The following KIF15 variants were observed in gnomAD, a reference collection of about 807,000 sequenced individuals.
The protein encoded by KIF15 is kinesin-like protein KIF15.
In KIF15, 140 loss-of-function variants were observed where a neutral mutation model predicts 190.6. The ratio of observed to expected loss-of-function variants is 0.73; its 90% CI spans 0.64 to 0.84. The LOEUF is 0.84. Among genes scored for constraint, KIF15 ranks in the 40% least tolerant of loss-of-function variants. The pLI is 0.00. For missense variants in KIF15, 1,372 were observed against 1,584.4 expected (o/e 0.87, Z 2.28); for synonymous variants, 528 against 551.3 (o/e 0.96, Z 0.59).
At chr3:44,820,141 C>T (rs1034215707) in intron 20 of KIF15, among the ~76,000 whole-genome samples, 1 of 152,038 alleles carries the variant, frequency 6.6e-6, no homozygotes, top group Non-Finnish European at 1.5e-5. Flanking sequence ...ATGTGTGTCT[C>T]TGCACGTAAG....
chr3:44,817,915 C>T (rs1313059711), intron 20 of KIF15, among the ~76,000 whole-genome samples: 6 of 152,226 alleles, frequency 3.9e-5, no homozygotes, highest in African/African-American at 1.2e-4. Context: ...TCTTTTATTT[C>T]GTTGAGCAGT....
At chr3:44,818,733 G>A (rs1708136344) in intron 20 of KIF15, among the ~76,000 whole-genome samples, 2 of 152,146 alleles carry the variant, frequency 1.3e-5, no homozygotes, top group Non-Finnish European at 1.5e-5. Context: ...GCCAGGCTTT[G>A]GTATCAGGAT....
intron 17 of KIF15, 99 bp downstream of exon 17, chr3:44,811,142 CT>C (rs1707766183): frequency 2.3e-6 from 2 of 877,556 alleles, no homozygotes; most frequent in Non-Finnish European, 3.4e-6. Context: ...TTCAAAAGTG[CT>C]TAGTATTAAA....
intron 6 of KIF15, chr3:44,864,890 C>A: frequency 1.0e-6 from 1 of 988,478 alleles, no homozygotes; most frequent in Non-Finnish European, 1.5e-6. Flanking sequence ...AATAGAGTGA[C>A]TTGATGAAGG....
At chr3:44,840,536 A>C in intron 28 of KIF15, 80 bp downstream of exon 28, 2 of 886,300 alleles carry the variant, frequency 2.3e-6, no homozygotes, top group Non-Finnish European at 3.5e-6. Flanking sequence ...GGAAGAACAT[A>C]CCTTTGTCTT....
At chr3:44,829,530 A>AAT (rs1697886010) in intron 24 of KIF15, among the ~76,000 whole-genome samples, 17 of 100,308 alleles carry the variant, frequency 1.7e-4, no homozygotes, top group African/African-American at 7.2e-4. Context: ...ATATGTATAT[A>AAT]ATATGTATAT....
chr3:44,763,745 T>C (rs765948590), intron 1 of KIF15, among the ~76,000 whole-genome samples: 1 of 151,888 alleles, frequency 6.6e-6, no homozygotes, highest in Non-Finnish European at 1.5e-5. Flanking sequence ...TGGAGTGCAG[T>C]GACGCAATCT....
chr3:44,843,135 G>A lies in KIF15; in HGVS notation c.3596G>A (p.Arg1199His), dbSNP rs146292440. Residue 1199 changes from arginine to histidine, a missense_variant, in exon 30 of 35, where the codon CGT becomes CAT. By Grantham distance (29) the Arg-to-His change is conservative. Coordinates refer to ENST00000326047, the MANE Select transcript of KIF15 (RefSeq NM_020242.3). ...AEILRMKEQL[R>H]EMENLRLESQ... ...ATTTGATGTTATTAGGAGCAGTTGCGTGAAATGGAAAACCTACGCCTGGAA... is the reference window on the plus strand; with the variant it reads ...ATTTGATGTTATTAGGAGCAGTTGCATGAAATGGAAAACCTACGCCTGGAA... 228 of 1,611,628 alleles carry A rather than the reference G, an allele frequency of 1.4e-4. 3 individuals are homozygous for A. The East Asian group carries it at 4.8e-3, about 34-fold the overall frequency.
chr3:44,790,607 A>G (rs1706639711), intron 7 of KIF15, among the ~76,000 whole-genome samples: 1 of 151,546 alleles, frequency 6.6e-6, no homozygotes, highest in Non-Finnish European at 1.5e-5. Flanking sequence ...TGCTTTACAA[A>G]TCTGTTTTGT....
At chr3:44,813,283 C>T (rs577144267) in intron 19 of KIF15, 103 bp downstream of exon 19, 2 of 663,176 alleles carry the variant, frequency 3.0e-6, no homozygotes, top group South Asian at 4.3e-5. Context: ...TGGATGGTTG[C>T]TTTGTTGTTG....
intron 27 of KIF15, among the ~76,000 whole-genome samples, chr3:44,839,931 TAGAC>T (rs1698508134): frequency 6.6e-6 from 1 of 152,324 alleles, no homozygotes; most frequent in South Asian, 2.1e-4. Flanking sequence ...CTCCCATCAA[TAGAC>T]AGTTAAGTTG....
chr3:44,811,901 C>T (rs1469512811), intron 17 of KIF15, among the ~76,000 whole-genome samples: 1 of 152,154 alleles, frequency 6.6e-6, no homozygotes, highest in Non-Finnish European at 1.5e-5. Context: ...ATGGCTCTGT[C>T]ATGTAATCCA....
chr3:44,764,341 T>A (rs1705295458), intron 1 of KIF15, among the ~76,000 whole-genome samples: 1 of 152,214 alleles, frequency 6.6e-6, no homozygotes, highest in Non-Finnish European at 1.5e-5. Context: ...TTGAACTTAA[T>A]ATAAATGGTA....
intron 4 of KIF15, among the ~76,000 whole-genome samples, chr3:44,778,864 C>T (rs1222582996): frequency 6.6e-6 from 1 of 151,334 alleles, no homozygotes; most frequent in Non-Finnish European, 1.5e-5. Context: ...CGCCTGTAGT[C>T]CCAGCTACTT....
In KIF15 at chr3:44,830,743, G is replaced by A. The variant is rs561592985; in HGVS notation, c.3049-153G>A. Reference sequence around the variant, plus strand: ...TTTTCCATTTCTCTTCACCATTCATGCACTTATTCTTCTATTCCTTCAGTC... The same window carrying A: ...TTTTCCATTTCTCTTCACCATTCATACACTTATTCTTCTATTCCTTCAGTC... On this transcript the variant is annotated intron_variant, in intron 25 of 34. Coordinates refer to ENST00000326047, the MANE Select transcript of KIF15 (RefSeq NM_020242.3). Among the ~76,000 whole-genome samples the A allele has an allele frequency of 2.6e-5, 4 of 152,190 alleles. No individual in the cohort carries two copies. In the South Asian group the frequency reaches 8.3e-4, roughly 32 times the overall value.
chr3:44,791,536 A>G (rs1454483863), intron 7 of KIF15, among the ~76,000 whole-genome samples: 2 of 152,158 alleles, frequency 1.3e-5, no homozygotes, highest in African/African-American at 4.8e-5. Context: ...GAATCTATCA[A>G]TTATTTTTGG....
Position 44,786,546 on chromosome 3 carries a change from T to A in KIF15, c.611T>A (p.Val204Glu), listed in dbSNP as rs1360720313. 6.2e-7 allele frequency: 1 copy of A among 1,612,992 alleles called. No individual in the cohort carries two copies. The highest frequency in any genetic ancestry group is 1.1e-5 in the South Asian group (1 of 90,918). ...GVFVVGAVEQ[V>E]VTSAAEAYQV... ...TTTGTTGTTGGTGCGGTGGAGCAGG[T>A]GGTAACCTCAGCTGCTGAAGCCTAT... The change falls in exon 7 of 35, where the codon GTG becomes GAG. Residue 204 changes from valine (V) to glutamate (E), a missense_variant. Transcript: ENST00000326047.
chr3:44,785,099 T>C (rs1311477660), intron 6 of KIF15, among the ~76,000 whole-genome samples, 157 bp downstream of exon 6: 2 of 152,200 alleles, frequency 1.3e-5, no homozygotes, highest in Non-Finnish European at 2.9e-5. Context: ...ATTCTGAGGA[T>C]AATATTAAGG....
intron 16 of KIF15, among the ~76,000 whole-genome samples, chr3:44,808,252 C>T (rs1460184601): frequency 6.6e-6 from 1 of 152,186 alleles, no homozygotes; most frequent in Non-Finnish European, 1.5e-5. Flanking sequence ...GAGCTTGAAG[C>T]ACCACGGCAT....
Sources: gnomAD v4.1 joint callset for allele counts (sites outside exome capture counted in the v4.1 genomes callset) on GRCh38, gnomAD v4.1.1 for gene constraint, MANE v1.5 for transcripts, NCBI Gene and HGNC (gene_info 2026-07-23, HGNC 2026-07-21) for gene names.